Variants in TUBGCP5 observed in about 807,000 individuals in gnomAD.
TUBGCP5 encodes gamma-tubulin complex component 5.
In TUBGCP5, 98 loss-of-function variants were observed where a neutral mutation model predicts 134.7. That is an observed-to-expected ratio of 0.73 (90% confidence interval 0.62 to 0.86). The LOEUF (loss-of-function observed/expected upper bound fraction) is 0.86. Among genes scored for constraint, TUBGCP5 ranks in the 40% least tolerant of loss-of-function variants. The pLI is 0.00. For missense variants in TUBGCP5, 1,150 were observed against 1,244.8 expected, an observed-to-expected ratio of 0.92 and a Z score of 1.15; for synonymous variants, 456 against 431.4, an observed-to-expected ratio of 1.06 and a Z score of -0.71.
chr15:23,003,632 GTTTTTTTTTTTT>G (rs531926227), intron 20 of TUBGCP5, among the ~76,000 whole-genome samples: 11,674 of 88,704 alleles, frequency 0.13, 1,012 homozygotes, highest in East Asian at 0.54. Context: ...TCCTCCTTCT[GTTTTTTTTTTTT>G]TTTTTTTTTT....
chr15:23,032,702 A>AT, intron 4 of TUBGCP5, 26 bp downstream of exon 4: 1 of 1,441,780 alleles, frequency 6.9e-7, no homozygotes, highest in African/African-American at 1.4e-5. Flanking sequence ...TTTACTTCTC[A>AT]TATGTTAAGG....
intron 10 of TUBGCP5, among the ~76,000 whole-genome samples, chr15:23,022,682 G>A (rs950545909): frequency 6.6e-6 from 1 of 152,196 alleles, no homozygotes; most frequent in South Asian, 2.1e-4. Flanking sequence ...AAGTTCCTGC[G>A]ACACTGGTGA....
At chr15:23,019,003 G>A (rs79012369) in intron 12 of TUBGCP5, among the ~76,000 whole-genome samples, 5,519 of 152,162 alleles carry the variant, frequency 0.036, 246 homozygotes, top group African/African-American at 0.1. Flanking sequence ...GAAAAGTTGC[G>A]GACTGACAAA....
chr15:23,026,069 A>G, intron 8 of TUBGCP5, 47 bp downstream of exon 8: 1 of 1,488,058 alleles, frequency 6.7e-7, no homozygotes. Flanking sequence ...TTTGCTTCTC[A>G]GTAATCAAGT....
At chr15:22,997,407 T>C (rs530037214), downstream of TUBGCP5, among the ~76,000 whole-genome samples, 76 of 151,818 alleles carry the variant, frequency 5.0e-4, 2 homozygotes, top group African/African-American at 1.8e-3. Context: ...CTGGAACTCT[T>C]GACCTCAGGT....
chr15:23,032,923 T>A, intron 3 of TUBGCP5, 99 bp from the exon 4 acceptor site: 1 of 836,122 alleles, frequency 1.2e-6, no homozygotes. Flanking sequence ...GTCCCCAATT[T>A]TTTTCCTGGT....
downstream of TUBGCP5, among the ~76,000 whole-genome samples, chr15:22,995,549 TA>T (rs2064028042): frequency 7.3e-6 from 1 of 137,582 alleles, no homozygotes; most frequent in African/African-American, 2.8e-5. Flanking sequence ...CAATCCAGCC[TA>T]GGTGACAAAG....
At position 23,032,031 on chromosome 15, in the gene TUBGCP5, T is replaced by C. The variant is rs1429117481; in HGVS notation, c.407-2A>G. On this transcript the variant is annotated splice_acceptor_variant, in intron 4 of 22. Transcript: ENST00000615383. LOFTEE classifies it high-confidence loss of function. ...CCCAGTCGAAATCATCTTTCTTTTC[T>C]AAAATGTAACAGAAGAACTTCATTG... The C allele has an allele frequency of 1.2e-6, 2 of 1,609,170 alleles. No individual in the cohort carries two copies. The highest frequency in any genetic ancestry group is 1.7e-6 in the Non-Finnish European group (2 of 1,176,920).
At chr15:23,019,413 ATGCCTTT>A in intron 11 of TUBGCP5, 79 bp from the exon 12 acceptor site, 1 of 882,018 alleles carries the variant, frequency 1.1e-6, no homozygotes, top group Admixed American at 2.3e-5. Context: ...CATTTCTGAA[ATGCCTTT>A]AAAAAAGTGA....
intron 8 of TUBGCP5, among the ~76,000 whole-genome samples, chr15:23,025,629 T>G (rs930641854): frequency 6.6e-6 from 1 of 152,022 alleles, no homozygotes; most frequent in African/African-American, 2.4e-5. Flanking sequence ...TCAGGAGATC[T>G]AGACCATCCT....
At chr15:23,007,825 T>C (rs560266678) in intron 16 of TUBGCP5, among the ~76,000 whole-genome samples, 1 of 151,944 alleles carries the variant, frequency 6.6e-6, no homozygotes, top group African/African-American at 2.4e-5. Context: ...TAGGGATGAG[T>C]GGTGGAAGTC....
At chr15:23,034,978 T>C (rs1468868819) in intron 3 of TUBGCP5, among the ~76,000 whole-genome samples, 1 of 151,932 alleles carries the variant, frequency 6.6e-6, no homozygotes, top group Admixed American at 6.6e-5. Context: ...ATACATACAT[T>C]ACTAAAATCA....
chr15:23,000,516 A>G, intron 22 of TUBGCP5, 53 bp downstream of exon 22: 2 of 1,595,708 alleles, frequency 1.3e-6, no homozygotes, highest in South Asian at 2.3e-5. Flanking sequence ...TGACACATAC[A>G]CTTAGTTACA....
intron 3 of TUBGCP5, among the ~76,000 whole-genome samples, chr15:23,036,239 AG>A (rs1260523172): frequency 2.6e-5 from 4 of 152,166 alleles, no homozygotes; most frequent in African/African-American, 9.7e-5. Flanking sequence ...CTGGTCACCA[AG>A]GCTCAGCCGA....
chr15:22,996,573 A>G (rs760702415), downstream of TUBGCP5, among the ~76,000 whole-genome samples: 5 of 151,696 alleles, frequency 3.3e-5, no homozygotes, highest in Non-Finnish European at 7.4e-5. Context: ...GCCACTTCCA[A>G]CTCCCAGGTT....
intron 21 of TUBGCP5, among the ~76,000 whole-genome samples, chr15:23,001,120 G>A (rs796989662): frequency 7.2e-5 from 11 of 152,140 alleles, no homozygotes; most frequent in African/African-American, 2.2e-4. Flanking sequence ...TCGGCTCACT[G>A]TAACCTCCGC....
intron 23 of TUBGCP5, among the ~76,000 whole-genome samples, chr15:22,993,538 T>G (rs1471028041): frequency 5.9e-5 from 7 of 118,364 alleles, no homozygotes; most frequent in African/African-American, 1.5e-4. Flanking sequence ...TTTTTTTTTT[T>G]TTTTTTTTTT....
chr15:23,030,749 G>A, intron 6 of TUBGCP5, 136 bp downstream of exon 6: 1 of 865,386 alleles, frequency 1.2e-6, no homozygotes, highest in Non-Finnish European at 1.7e-6. Context: ...CATTACTAAT[G>A]GTTTTAAAAA....
At chr15:23,005,784 C>T (rs117601627) in intron 18 of TUBGCP5, 174 bp from the exon 19 acceptor site, 17,859 of 717,286 alleles carry the variant, frequency 0.025, 298 homozygotes, top group Non-Finnish European at 0.032. Context: ...GGAAAAGTTT[C>T]CTGTATCACT....
Sources: gnomAD v4.1 joint callset for allele counts (sites outside exome capture counted in the v4.1 genomes callset) on GRCh38, gnomAD v4.1.1 for gene constraint, MANE v1.5 for transcripts, NCBI Gene and HGNC (gene_info 2026-07-23, HGNC 2026-07-21) for gene names.